Variants in CORO2B observed in about 807,000 individuals in gnomAD.
CORO2B encodes coronin 2B.
CORO2B carries 26 observed loss-of-function variants against 58.8 expected under a neutral mutation model. The ratio of observed to expected loss-of-function variants is 0.44; its 90% CI spans 0.32 to 0.61. The LOEUF is 0.61. Ranked by LOEUF, CORO2B falls within the 20% of genes least tolerant of loss-of-function variation. CORO2B has a pLI of 0.04. For missense variants in CORO2B, 460 were observed against 645.1 expected, an observed-to-expected ratio of 0.71 and a Z score of 3.11; for synonymous variants, 242 against 253.8, an observed-to-expected ratio of 0.95 and a Z score of 0.44.
intron 8 of CORO2B, among the ~76,000 whole-genome samples, chr15:68,716,687 T>C (rs1405520009): frequency 6.6e-6 from 1 of 152,120 alleles, no homozygotes; most frequent in Non-Finnish European, 1.5e-5. Context: ...TATTTTAAGT[T>C]GAGCTCTGAA....
At chr15:68,649,513 T>C (rs976265805) in intron 2 of CORO2B, among the ~76,000 whole-genome samples, 3 of 152,220 alleles carry the variant, frequency 2.0e-5, no homozygotes, top group African/African-American at 7.2e-5. Flanking sequence ...AAAATGATGC[T>C]GTAGAGCAGT....
At chr15:68,582,002 G>A (rs1899438740) in intron 1 of CORO2B, among the ~76,000 whole-genome samples, 1 of 152,182 alleles carries the variant, frequency 6.6e-6, no homozygotes, top group South Asian at 2.1e-4. Context: ...GCTCAGAGAG[G>A]CCTGGCAAGT....
intron 1 of CORO2B, among the ~76,000 whole-genome samples, chr15:68,605,504 C>A (rs930341410): frequency 1.3e-5 from 2 of 152,028 alleles, no homozygotes; most frequent in Non-Finnish European, 2.9e-5. Context: ...ATTCTGCAGC[C>A]GTTAAAAATT....
intron 2 of CORO2B, among the ~76,000 whole-genome samples, chr15:68,665,375 T>C (rs1225624079): frequency 6.6e-6 from 1 of 152,152 alleles, no homozygotes; most frequent in Non-Finnish European, 1.5e-5. Context: ...CAATGCTGTG[T>C]TACTAAGACT....
intron 2 of CORO2B, among the ~76,000 whole-genome samples, chr15:68,648,347 C>T (rs1284798685): frequency 2.4e-5 from 3 of 124,444 alleles, no homozygotes; most frequent in Non-Finnish European, 3.4e-5. Flanking sequence ...AAAAAAAAAA[C>T]GAAAGAAAGA....
chr15:68,551,133 C>T, the CORO2B span, among the ~76,000 whole-genome samples: 3 of 152,122 alleles, frequency 2.0e-5, no homozygotes, highest in African/African-American at 7.2e-5. Context: ...CCTCGCTCAG[C>T]CTTTCCCAGC....
chr15:68,632,141 T>C, intron 1 of CORO2B: 1 of 985,584 alleles, frequency 1.0e-6, no homozygotes, highest in South Asian at 4.7e-5. Context: ...GCGGGGTCTC[T>C]GGGATGGTGA....
the CORO2B span, among the ~76,000 whole-genome samples, chr15:68,573,968 C>T: frequency 2.0e-5 from 3 of 151,968 alleles, no homozygotes; most frequent in Non-Finnish European, 2.9e-5. Flanking sequence ...TAGGTGCTGA[C>T]GGGGAGAGAA....
intron 1 of CORO2B, among the ~76,000 whole-genome samples, chr15:68,622,852 T>C (rs1247828154): frequency 6.6e-5 from 10 of 152,216 alleles, no homozygotes; most frequent in African/African-American, 1.7e-4. Flanking sequence ...ATGATTCTCA[T>C]TGAACAGACT....
chr15:68,581,992 G>A (rs915242824), intron 1 of CORO2B, among the ~76,000 whole-genome samples: 1 of 152,184 alleles, frequency 6.6e-6, no homozygotes, highest in African/African-American at 2.4e-5. Context: ...GGAGCTCTGA[G>A]CTCAGAGAGG....
chr15:68,671,351 C>T (rs1902388710), intron 2 of CORO2B, among the ~76,000 whole-genome samples: 1 of 152,114 alleles, frequency 6.6e-6, no homozygotes, highest in Non-Finnish European at 1.5e-5. Flanking sequence ...GGAAAATTGG[C>T]TCAACATCCC....
intron 2 of CORO2B, among the ~76,000 whole-genome samples, chr15:68,684,388 A>C (rs1902892319): frequency 6.6e-6 from 1 of 152,212 alleles, no homozygotes. Context: ...GAAATAGGGG[A>C]CATGAGACAA....
intron 5 of CORO2B, 118 bp downstream of exon 5, chr15:68,711,824 A>C (rs894693791): frequency 2.5e-6 from 3 of 1,177,090 alleles, no homozygotes; most frequent in Non-Finnish European, 3.6e-6. Flanking sequence ...ATCTCACTGC[A>C]CCTCTGTTGA....
At chr15:68,714,712 C>T (rs758026279) in intron 7 of CORO2B, 49 bp downstream of exon 7, 2 of 1,392,940 alleles carry the variant, frequency 1.4e-6, no homozygotes, top group Non-Finnish European at 2.0e-6. Flanking sequence ...GAGAGCCCTA[C>T]CCTCAATGCA....
At chr15:68,671,916 TC>T (rs1390164795) in intron 2 of CORO2B, among the ~76,000 whole-genome samples, 4 of 152,136 alleles carry the variant, frequency 2.6e-5, no homozygotes, top group African/African-American at 9.7e-5. Context: ...CAGGAGACCA[TC>T]CCAGGGTTAA....
At chr15:68,718,850 A>T (rs1315362482) in intron 9 of CORO2B, 40 bp downstream of exon 9, 6 of 1,518,378 alleles carry the variant, frequency 4.0e-6, no homozygotes, top group African/African-American at 2.7e-5. Context: ...GGGGGCCTGC[A>T]TCGCCTCTTA....
intron 1 of CORO2B, among the ~76,000 whole-genome samples, chr15:68,632,675 C>G (rs1900878327): frequency 1.3e-5 from 2 of 152,216 alleles, no homozygotes; most frequent in South Asian, 4.1e-4. Flanking sequence ...ACTGCATCCT[C>G]CACCTCCCTG....
the CORO2B span, among the ~76,000 whole-genome samples, chr15:68,561,498 A>G: frequency 6.6e-6 from 1 of 152,100 alleles, no homozygotes; most frequent in Non-Finnish European, 1.5e-5. Flanking sequence ...GGACAGGTAG[A>G]GGGTCCCCGG....
Position 68,708,072 on chromosome 15 carries a change from C to T in CORO2B, c.334-2660C>T, listed in dbSNP as rs148828801. Among the ~76,000 whole-genome samples the T allele has an allele frequency of 1.4e-3, 206 of 152,254 alleles. 1 individual carries two copies. The highest frequency in any genetic ancestry group is 4.5e-3 in the African/African-American group (188 of 41,556). On this transcript the variant is annotated intron_variant, in intron 3 of 11. Coordinates refer to ENST00000261861, the MANE Select transcript of CORO2B (RefSeq NM_006091.5). ...ACTCTCCCCAAATTATAAAGTTTTTCGCAAGTGGGCTTTTGAAATGGATTT... is the reference window on the plus strand; with the variant it reads ...ACTCTCCCCAAATTATAAAGTTTTTTGCAAGTGGGCTTTTGAAATGGATTT...
Sources: allele counts gnomAD v4.1 joint callset (sites outside exome capture counted in the v4.1 genomes callset), GRCh38; gene constraint gnomAD v4.1.1; transcripts MANE v1.5; gene names NCBI Gene and HGNC (gene_info 2026-07-23, HGNC 2026-07-21).